The following FGF14 variants were observed in gnomAD, a reference collection of about 807,000 sequenced individuals.
FGF14 encodes the protein fibroblast growth factor 14.
FGF14 carries 5 observed loss-of-function variants against 25.5 expected under a neutral mutation model. The ratio of observed to expected loss-of-function variants is 0.20; its 90% CI spans 0.10 to 0.41. FGF14 has a LOEUF of 0.41. Ranked by LOEUF, FGF14 falls within the 10% of genes least tolerant of loss-of-function variation. FGF14 has a pLI of 1.00. For synonymous variants in FGF14, 138 were observed against 118.3 expected (o/e 1.17, Z -1.08); for missense variants, 222 against 320.1 (o/e 0.69, Z 2.34).
chr13:101,849,182 A>G (rs561329742), intron 3 of FGF14, among the ~76,000 whole-genome samples: 2 of 152,126 alleles, frequency 1.3e-5, no homozygotes, highest in Non-Finnish European at 2.9e-5. Flanking sequence ...TATACTTTTA[A>G]CAAATTGCAG....
intron 1 of FGF14, among the ~76,000 whole-genome samples, chr13:102,046,464 CA>C (rs1273763690): frequency 1.3e-5 from 2 of 151,990 alleles, no homozygotes; most frequent in Admixed American, 1.3e-4. Context: ...TGGGGAACCA[CA>C]AAAAACAGGA....
chr13:101,898,589 T>C (rs946735608), intron 1 of FGF14, among the ~76,000 whole-genome samples: 3 of 152,268 alleles, frequency 2.0e-5, no homozygotes, highest in Admixed American at 6.5e-5. Flanking sequence ...AAGAAAAACA[T>C]CCTCTCTATT....
chr13:102,130,664 A>G (rs2140409384), intron 1 of FGF14, among the ~76,000 whole-genome samples: 1 of 152,308 alleles, frequency 6.6e-6, no homozygotes, highest in Non-Finnish European at 1.5e-5. Context: ...TAGAAAATAA[A>G]AAACAAGAAA....
intron 1 of FGF14, among the ~76,000 whole-genome samples, chr13:101,968,815 C>G (rs1282153582): frequency 6.7e-6 from 1 of 148,852 alleles, no homozygotes; most frequent in Non-Finnish European, 1.5e-5. Context: ...TTTTAACTCA[C>G]TTTTCATTTG....
intron 1 of FGF14, among the ~76,000 whole-genome samples, chr13:102,161,677 A>T (rs1216727762): frequency 0.044 from 2,747 of 61,848 alleles, 248 homozygotes; most frequent in African/African-American, 0.11. Flanking sequence ...GAAGAAGAAG[A>T]AGAAGAAGAA....
chr13:101,925,584 T>C (rs1368305171), intron 1 of FGF14, among the ~76,000 whole-genome samples: 1 of 152,218 alleles, frequency 6.6e-6, no homozygotes, highest in Non-Finnish European at 1.5e-5. Flanking sequence ...GAAAGTAATT[T>C]CCAAAGTGCA....
At chr13:101,801,519 T>C (rs1037490576) in intron 3 of FGF14, among the ~76,000 whole-genome samples, 9 of 152,092 alleles carry the variant, frequency 5.9e-5, no homozygotes, top group Non-Finnish European at 1.0e-4. Context: ...AAATAGGTGA[T>C]TGTTCAGATT....
chr13:101,911,756 CAACT>C (rs767541565), intron 1 of FGF14, among the ~76,000 whole-genome samples: 79 of 152,118 alleles, frequency 5.2e-4, no homozygotes, highest in Non-Finnish European at 7.9e-4. Flanking sequence ...AACCTTAATA[CAACT>C]AACAAATAAT....
At position 102,164,017 on chromosome 13, in the gene FGF14, C is replaced by A. The variant is rs147046283; in HGVS notation, c.208+237454G>T. Among the ~76,000 whole-genome samples, 228 of 152,210 alleles carry A rather than the reference C, an allele frequency of 1.5e-3. 2 individuals carry two copies. The highest frequency in any genetic ancestry group is 5.3e-3 in the African/African-American group (219 of 41,538). ...CCTCATGTCCTTCATGCAGGAAGACCATGTCCTTTCTCCCTGTTGACCTCA... is the reference window on the plus strand; with the variant it reads ...CCTCATGTCCTTCATGCAGGAAGACAATGTCCTTTCTCCCTGTTGACCTCA... On this transcript the variant is annotated intron_variant, in intron 1 of 4. Coordinates refer to the FGF14 transcript ENST00000376131.
intron 3 of FGF14, among the ~76,000 whole-genome samples, chr13:101,792,241 G>T (rs1326475269): frequency 6.6e-6 from 1 of 152,078 alleles, no homozygotes; most frequent in Non-Finnish European, 1.5e-5. Flanking sequence ...CCTATTGTCA[G>T]ATGAAATCCT....
At chr13:102,224,978 C>A (rs1259988881) in intron 1 of FGF14, among the ~76,000 whole-genome samples, 1 of 152,082 alleles carries the variant, frequency 6.6e-6, no homozygotes, top group Admixed American at 6.6e-5. Context: ...ATGCCAAGCC[C>A]CCAATTCCCA....
At chr13:101,966,267 C>G (rs984593496) in intron 1 of FGF14, among the ~76,000 whole-genome samples, 5 of 152,086 alleles carry the variant, frequency 3.3e-5, no homozygotes, top group African/African-American at 1.2e-4. Context: ...AGAAAACACA[C>G]TTATGCAAAA....
chr13:102,202,127 G>A (rs2049685286), intron 1 of FGF14, among the ~76,000 whole-genome samples: 1 of 152,140 alleles, frequency 6.6e-6, no homozygotes, highest in South Asian at 2.1e-4. Context: ...GTTCCCTGAG[G>A]CCTCCCCAGA....
At chr13:102,100,343 C>T (rs867828992) in intron 1 of FGF14, among the ~76,000 whole-genome samples, 1 of 152,058 alleles carries the variant, frequency 6.6e-6, no homozygotes, top group South Asian at 2.1e-4. Context: ...AAGGAGAGAG[C>T]CATTTCCTTC....
intron 1 of FGF14, among the ~76,000 whole-genome samples, chr13:102,162,160 T>C (rs1369570510): frequency 6.6e-6 from 1 of 152,056 alleles, no homozygotes; most frequent in Non-Finnish European, 1.5e-5. Context: ...TGGGAGGCGG[T>C]TGGCACTATG....
At chr13:102,081,553 C>G (rs2043621861) in intron 1 of FGF14, among the ~76,000 whole-genome samples, 1 of 152,044 alleles carries the variant, frequency 6.6e-6, no homozygotes, top group Admixed American at 6.6e-5. Flanking sequence ...CTGAATCTTT[C>G]ACTTAATGAA....
At chr13:101,860,252 C>T (rs2044345656) in intron 3 of FGF14, among the ~76,000 whole-genome samples, 1 of 151,948 alleles carries the variant, frequency 6.6e-6, no homozygotes, top group South Asian at 2.1e-4. Flanking sequence ...TTCTCTATAC[C>T]ATCTTGGTGC....
intron 1 of FGF14, among the ~76,000 whole-genome samples, chr13:101,906,041 A>G (rs1371287739): frequency 6.6e-6 from 1 of 152,110 alleles, no homozygotes; most frequent in Non-Finnish European, 1.5e-5. Flanking sequence ...TACTTTCCCT[A>G]CACTTTCCTT....
At chr13:102,024,278 C>A (rs1315113999) in intron 1 of FGF14, among the ~76,000 whole-genome samples, 2 of 152,040 alleles carry the variant, frequency 1.3e-5, no homozygotes, top group African/African-American at 2.4e-5. Flanking sequence ...CACATTCTTG[C>A]CAACACTTAT....
Sources: gnomAD v4.1 joint callset for allele counts (sites outside exome capture counted in the v4.1 genomes callset) on GRCh38, gnomAD v4.1.1 for gene constraint, MANE v1.5 for transcripts, NCBI Gene and HGNC (gene_info 2026-07-23, HGNC 2026-07-21) for gene names.